DNAH11: variants seen among roughly 807,000 people sequenced by gnomAD.
DNAH11 encodes dynein axonemal heavy chain 11, also known as axonemal beta dynein heavy chain 11.
Under a neutral mutation model 526.0 loss-of-function variants are expected in DNAH11, and 442 were observed. That is an observed-to-expected ratio of 0.84 (90% CI 0.78 to 0.91). The LOEUF is 0.91. Among genes scored for constraint, DNAH11 ranks in the 40% least tolerant of loss-of-function variants. DNAH11 has a pLI of 0.00. For synonymous variants in DNAH11, 2,461 were observed against 1,935.9 expected, an observed-to-expected ratio of 1.27 and a Z score of -7.12; for missense variants, 6,989 against 5,448.7, an observed-to-expected ratio of 1.28 and a Z score of -8.90.
chr7:21,818,270 A>G lies in DNAH11; in HGVS notation c.10622A>G (p.Glu3541Gly), dbSNP rs773188999. The change falls in exon 65 of 82, where the codon GAA becomes GGA. Residue 3541 changes from glutamate to glycine, a missense_variant. By Grantham distance (98) the Glu-to-Gly change is moderately conservative (BLOSUM62 -2). Coordinates refer to ENST00000409508, the MANE Select transcript of DNAH11 (RefSeq NM_001277115.2). ...GCCTTTGGTGATGTCATCTTAATTG[A>G]AAATCTCGAGGAAACGATAGATCCA... Reference protein sequence around the residue: ...ALAFGDVILIENLEETIDPVL... With the variant: ...ALAFGDVILIGNLEETIDPVL... 15 of 1,612,212 alleles carry G rather than the reference A, an allele frequency of 9.3e-6. No individual in the cohort carries two copies. Among genetic ancestry groups the G allele is most frequent in the Non-Finnish European group, 1.2e-5 (14 of 1,179,060 alleles).
At chr7:21,634,785 A>G (rs1786777420) in intron 25 of DNAH11, among the ~76,000 whole-genome samples, 1 of 152,150 alleles carries the variant, frequency 6.6e-6, no homozygotes, top group East Asian at 1.9e-4. Context: ...CTATGTAACA[A>G]GCCTGCATAT....
intron 44 of DNAH11, among the ~76,000 whole-genome samples, chr7:21,721,848 C>T (rs781472056): frequency 2.6e-5 from 4 of 152,188 alleles, no homozygotes; most frequent in Admixed American, 1.3e-4. Context: ...GTCCCTCTTA[C>T]TTCTAACCAG....
chr7:21,743,647 T>A (rs576319221), intron 49 of DNAH11, among the ~76,000 whole-genome samples: 10 of 152,314 alleles, frequency 6.6e-5, no homozygotes, highest in Non-Finnish European at 1.0e-4. Flanking sequence ...GAGCAATTCT[T>A]TTCGTGTCTG....
intron 56 of DNAH11, 49 bp downstream of exon 56, chr7:21,774,048 G>A: frequency 7.1e-7 from 1 of 1,416,334 alleles, no homozygotes; most frequent in South Asian, 1.5e-5. Context: ...CTGTTTAACA[G>A]AAAAATATAT....
intron 2 of DNAH11, among the ~76,000 whole-genome samples, chr7:21,556,773 C>T (rs1234654793): frequency 2.0e-5 from 3 of 152,130 alleles, no homozygotes; most frequent in Admixed American, 2.0e-4. Flanking sequence ...TAAGTGAGAA[C>T]ATGCATGGCC....
At chr7:21,741,859 A>C in intron 48 of DNAH11, 68 bp from the exon 49 acceptor site, 1 of 1,557,518 alleles carries the variant, frequency 6.4e-7, no homozygotes, top group Non-Finnish European at 8.7e-7. Context: ...AGTGAAAAAA[A>C]ATCAGGTCTT....
intron 14 of DNAH11, among the ~76,000 whole-genome samples, chr7:21,593,872 C>G (rs1228881582): frequency 6.6e-6 from 1 of 151,740 alleles, no homozygotes; most frequent in African/African-American, 2.4e-5. Context: ...GCAGACAGAC[C>G]CCCTCCCCTG....
Position 21,822,461 on chromosome 7 carries a change from C to T in DNAH11, c.10691+4122C>T, listed in dbSNP as rs577778690. ...CATTTCCCACCAGGCCCACCTCCAACATTGATGGTCACATTTCAACATGAG... is the reference window on the plus strand; with the variant it reads ...CATTTCCCACCAGGCCCACCTCCAATATTGATGGTCACATTTCAACATGAG... On this transcript the variant is annotated intron_variant, in intron 65 of 81. Transcript: ENST00000409508. 9.9e-5 allele frequency among the ~76,000 whole-genome samples: 15 copies of T among 152,280 alleles called. No homozygotes were observed. The South Asian group carries it at 3.1e-3, about 32-fold the overall frequency.
At chr7:21,872,122 T>TAAAAAAAAAAAAA (rs1783517934) in intron 73 of DNAH11, among the ~76,000 whole-genome samples, 3 of 4,972 alleles carry the variant, frequency 6.0e-4, no homozygotes, top group Admixed American at 2.1e-3. Flanking sequence ...AGACTCTGTC[T>TAAAAAAAAAAAAA]CAAAAAAAAA....
chr7:21,627,616 T>C (rs1786399858), intron 25 of DNAH11, among the ~76,000 whole-genome samples: 1 of 152,214 alleles, frequency 6.6e-6, no homozygotes, highest in East Asian at 1.9e-4. Flanking sequence ...CTTGGGTCTC[T>C]ATTCTGTTCC....
chr7:21,738,281 G>C (rs935182760), intron 46 of DNAH11, among the ~76,000 whole-genome samples: 1 of 152,184 alleles, frequency 6.6e-6, no homozygotes, highest in African/African-American at 2.4e-5. Flanking sequence ...GACAGGTATG[G>C]GAGACTTTCC....
chr7:21,880,613 A>C, intron 74 of DNAH11, 89 bp from the exon 75 acceptor site: 1 of 1,402,318 alleles, frequency 7.1e-7, no homozygotes, highest in East Asian at 2.3e-5. Context: ...TCACTCTCAA[A>C]GTTCTTTACA....
intron 23 of DNAH11, 121 bp from the exon 24 acceptor site, chr7:21,618,979 G>C: frequency 1.6e-6 from 2 of 1,257,686 alleles, no homozygotes; most frequent in Non-Finnish European, 2.3e-6. Context: ...TTCAAGACGA[G>C]AGATGTACTC....
chr7:21,652,373 C>T (rs942435839), intron 28 of DNAH11, among the ~76,000 whole-genome samples: 2 of 151,984 alleles, frequency 1.3e-5, no homozygotes, highest in East Asian at 1.9e-4. Flanking sequence ...TGTTGATGGC[C>T]GGATATAAAT....
rs140144572 is a variant in DNAH11 at position 21,892,747 on chromosome 7, A to C, written c.12750+80A>C. On this transcript the variant is annotated intron_variant, in intron 77 of 81. Transcript: ENST00000409508. ...GAAGTCTACTAATCTTAATTGTGCA[A>C]ATCAATAAGTTTTTACCTAGGTTTT... 491 of 1,438,168 alleles carry C rather than the reference A, an allele frequency of 3.4e-4. 1 individual carries two copies. In the African/African-American group the frequency reaches 6.6e-3, roughly 19 times the overall value. The allele number at this position is 1,438,168 out of a possible 1,614,324, so 89.1% of individuals were successfully genotyped here. A position where few individuals can be genotyped will look rare whatever the true frequency, so the allele number is the denominator to read the frequency against.
chr7:21,621,901 A>G (rs1032670170), intron 25 of DNAH11, among the ~76,000 whole-genome samples: 1 of 152,048 alleles, frequency 6.6e-6, no homozygotes, highest in Non-Finnish European at 1.5e-5. Flanking sequence ...CCCTTTGAAA[A>G]CTGGCACGAG....
chr7:21,577,385 A>G lies in DNAH11; in HGVS notation c.1594-4520A>G, dbSNP rs112671229. ...CTCCCACCCTTGCTGGGGTGATGTC[A>G]GAGATGACCACATAGGGAGCCATGA... is the stretch of plus-strand genomic sequence containing the variant. On this transcript the variant is annotated intron_variant, in intron 8 of 81. Transcript: ENST00000409508. Among the ~76,000 whole-genome samples, 1,074 of 152,280 alleles carry G rather than the reference A, an allele frequency of 7.1e-3. 23 individuals carry two copies. The highest frequency in any genetic ancestry group is 0.025 in the African/African-American group (1,023 of 41,568).
At chr7:21,731,845 A>G (rs1199669236) in intron 45 of DNAH11, among the ~76,000 whole-genome samples, 1 of 152,192 alleles carries the variant, frequency 6.6e-6, no homozygotes, top group Admixed American at 6.5e-5. Flanking sequence ...GTGTACTGCA[A>G]TGCTTGCGTT....
At chr7:21,722,102 T>C (rs923344727) in intron 44 of DNAH11, among the ~76,000 whole-genome samples, 6 of 152,182 alleles carry the variant, frequency 3.9e-5, no homozygotes, top group African/African-American at 1.2e-4. Context: ...TATTCAACTT[T>C]AGAAATTTGC....
Sources: gnomAD v4.1 joint callset for allele counts (sites outside exome capture counted in the v4.1 genomes callset) on GRCh38, gnomAD v4.1.1 for gene constraint, MANE v1.5 for transcripts, NCBI Gene and HGNC (gene_info 2026-07-23, HGNC 2026-07-21) for gene names.